MAP3K20: variants seen among roughly 807,000 people sequenced by gnomAD.
MAP3K20 encodes HCCS-4.
A neutral mutation model predicts 85.7 loss-of-function variants in MAP3K20; 40 were observed. The observed-to-expected ratio is 0.47, with a 90% CI of 0.36 to 0.61. The LOEUF (loss-of-function observed/expected upper bound fraction) is 0.61. Ranked by LOEUF, MAP3K20 falls within the 20% of genes least tolerant of loss-of-function variation. The pLI, the probability that MAP3K20 is intolerant of heterozygous loss-of-function variation, is 0.00. For synonymous variants in MAP3K20, 325 were observed against 327.7 expected (o/e 0.99, Z 0.09); for missense variants, 817 against 961.7 (o/e 0.85, Z 1.99).
intron 16 of MAP3K20, among the ~76,000 whole-genome samples, chr2:173,256,354 G>T (rs114878954): frequency 0.015 from 2,260 of 152,292 alleles, 18 homozygotes; most frequent in Non-Finnish European, 0.025. Flanking sequence ...AGAGCCAGGA[G>T]CAGTGGCTCA....
intron 2 of MAP3K20, among the ~76,000 whole-genome samples, chr2:173,094,989 T>A (rs1329159791): frequency 6.6e-6 from 1 of 152,228 alleles, no homozygotes; most frequent in Non-Finnish European, 1.5e-5. Context: ...AATAGTACTA[T>A]AACAGTTTAC....
At position 173,187,581 on chromosome 2, in the gene MAP3K20, G is replaced by A. The variant is rs1690525512; in HGVS notation, c.373G>A (p.Ala125Thr). The change falls in exon 5 of 20, where the codon GCT (alanine) becomes ACT (threonine). Residue 125 changes from alanine (A) to threonine (T), a missense_variant. By Grantham distance (58) the Ala-to-Thr change is moderately conservative. Coordinates refer to ENST00000375213, the MANE Select transcript of MAP3K20 (RefSeq NM_016653.3). ...AKGMHYLHME[A>T]PVKVIHRDLK... ...AGGAATGCATTATTTACATATGGAGGCTCCTGTCAAGGTGATTCACAGAGA... is the reference window on the plus strand; with the variant it reads ...AGGAATGCATTATTTACATATGGAGACTCCTGTCAAGGTGATTCACAGAGA... 6.2e-7 allele frequency: 1 copy of A among 1,607,000 alleles called. No homozygotes were observed. Among genetic ancestry groups the A allele is most frequent in the African/African-American group, 1.3e-5 (1 of 74,568 alleles).
chr2:173,228,818 T>TC (rs1684452083), intron 11 of MAP3K20, among the ~76,000 whole-genome samples: 1 of 146,916 alleles, frequency 6.8e-6, no homozygotes, highest in African/African-American at 2.5e-5. Flanking sequence ...AAACTCAACT[T>TC]TTTTTTGAAA....
chr2:173,245,045 G>A (rs1684882486), intron 16 of MAP3K20, among the ~76,000 whole-genome samples: 1 of 152,120 alleles, frequency 6.6e-6, no homozygotes, highest in Admixed American at 6.5e-5. Context: ...TGTAATGGCA[G>A]CCATTGAGAA....
chr2:173,126,069 A>G (rs577767432), intron 2 of MAP3K20, among the ~76,000 whole-genome samples: 2 of 152,336 alleles, frequency 1.3e-5, no homozygotes, highest in East Asian at 3.9e-4. Context: ...ATTAAAAACA[A>G]ATGCTTTCAA....
At chr2:173,196,656 G>C (rs1004869754) in intron 7 of MAP3K20, among the ~76,000 whole-genome samples, 1 of 152,210 alleles carries the variant, frequency 6.6e-6, no homozygotes, top group Non-Finnish European at 1.5e-5. Context: ...TGAGGAAATA[G>C]TGGATATGGA....
At chr2:173,263,657 T>TA in intron 18 of MAP3K20, 88 bp from the exon 19 acceptor site, 1 of 1,331,958 alleles carries the variant, frequency 7.5e-7, no homozygotes, top group Non-Finnish European at 1.0e-6. Flanking sequence ...CTGGATGACT[T>TA]TCTTTCCCAT....
intron 11 of MAP3K20, among the ~76,000 whole-genome samples, chr2:173,219,475 C>T (rs1008665864): frequency 3.3e-5 from 5 of 152,124 alleles, no homozygotes; most frequent in African/African-American, 4.8e-5. Context: ...TTATAGAGAT[C>T]TTTAGAGTCA....
intron 1 of MAP3K20, among the ~76,000 whole-genome samples, chr2:173,084,052 C>G (rs1687080033): frequency 6.6e-6 from 1 of 152,024 alleles, no homozygotes; most frequent in Non-Finnish European, 1.5e-5. Flanking sequence ...GTTCAAAGAC[C>G]TTTTTTCTAG....
At chr2:173,232,483 C>T in intron 14 of MAP3K20, 24 bp downstream of exon 14, 2 of 1,606,616 alleles carry the variant, frequency 1.2e-6, no homozygotes, top group South Asian at 2.2e-5. Context: ...GGACAACATT[C>T]CATCAGCAAA....
At chr2:173,125,742 A>G (rs1044486771) in intron 2 of MAP3K20, among the ~76,000 whole-genome samples, 2 of 152,054 alleles carry the variant, frequency 1.3e-5, no homozygotes, top group Non-Finnish European at 2.9e-5. Flanking sequence ...AGCTCACTGC[A>G]AGCTCCGCCT....
intron 7 of MAP3K20, among the ~76,000 whole-genome samples, chr2:173,195,004 T>C (rs13017438): frequency 0.31 from 46,480 of 151,862 alleles, 8,887 homozygotes; most frequent in Non-Finnish European, 0.43. Context: ...CTTAAGCTGG[T>C]AAACTTTGCT....
intron 2 of MAP3K20, among the ~76,000 whole-genome samples, chr2:173,115,334 C>G (rs772716175): frequency 3.3e-5 from 5 of 151,946 alleles, no homozygotes; most frequent in South Asian, 2.1e-4. Flanking sequence ...TTTGGACTTC[C>G]TTGCATTGGG....
At position 173,185,735 on chromosome 2, in the gene MAP3K20, T is replaced by C. The variant is rs1690466152; in HGVS notation, c.350-1823T>C. Among the ~76,000 whole-genome samples the C allele has an allele frequency of 2.0e-5, 3 of 152,346 alleles. No homozygotes were observed. In the South Asian group the frequency reaches 6.2e-4, roughly 32 times the overall value. On this transcript the variant is annotated intron_variant, in intron 4 of 19. Coordinates refer to ENST00000375213, the MANE Select transcript of MAP3K20 (RefSeq NM_016653.3). ...CTCACAAAAAAGATTCTCTTCTTTC[T>C]AGATGTGAGGATAATGGAGGGTGGA...
At chr2:173,253,828 G>C in intron 16 of MAP3K20, among the ~76,000 whole-genome samples, 1 of 152,126 alleles carries the variant, frequency 6.6e-6, no homozygotes, top group Non-Finnish European at 1.5e-5. Flanking sequence ...AGCAATTTGT[G>C]AGGCTGAGGC....
chr2:173,107,077 A>G (rs1574018287), intron 2 of MAP3K20, among the ~76,000 whole-genome samples: 1 of 152,296 alleles, frequency 6.6e-6, no homozygotes, highest in East Asian at 1.9e-4. Context: ...AGCTGGGGCT[A>G]AAATCATTAA....
chr2:173,182,659 G>A (rs1690364287), intron 3 of MAP3K20, among the ~76,000 whole-genome samples, 195 bp from the exon 4 acceptor site: 1 of 152,092 alleles, frequency 6.6e-6, no homozygotes, highest in African/African-American at 2.4e-5. Context: ...TTCATTGTAA[G>A]TTACTGTCTT....
At chr2:173,078,537 A>C (rs1339116151) in intron 1 of MAP3K20, among the ~76,000 whole-genome samples, 1 of 152,176 alleles carries the variant, frequency 6.6e-6, no homozygotes, top group African/African-American at 2.4e-5. Context: ...TATGAATGCT[A>C]GAGCTTAGAT....
At chr2:173,196,225 C>T (rs569615139) in intron 7 of MAP3K20, among the ~76,000 whole-genome samples, 26 of 152,276 alleles carry the variant, frequency 1.7e-4, no homozygotes, top group Middle Eastern at 6.8e-3. Context: ...AATTTACTTG[C>T]CCTTCGTATC....
Sources: allele counts gnomAD v4.1 joint callset (sites outside exome capture counted in the v4.1 genomes callset), GRCh38; gene constraint gnomAD v4.1.1; transcripts MANE v1.5; gene names NCBI Gene and HGNC (gene_info 2026-07-23, HGNC 2026-07-21).